The following TAOK2 variants were observed in gnomAD, a reference collection of about 807,000 sequenced individuals.
TAOK2 encodes serine/threonine-protein kinase TAO2.
A neutral mutation model predicts 122.5 loss-of-function variants in TAOK2; 42 were observed. That is an observed-to-expected ratio of 0.34 (90% CI 0.27 to 0.44). TAOK2 has a LOEUF of 0.44. Ranked by LOEUF, TAOK2 falls within the 20% of genes least tolerant of loss-of-function variation. TAOK2 has a pLI of 1.00. For missense variants in TAOK2, 1,264 were observed against 1,644.9 expected, an observed-to-expected ratio of 0.77 and a Z score of 4.01; for synonymous variants, 704 against 677.6, an observed-to-expected ratio of 1.04 and a Z score of -0.61.
In TAOK2 at chr16:29,988,213, G is replaced by A. The variant is rs1005542421; in HGVS notation, c.*233G>A. Reference sequence around the variant, plus strand: ...TCCCCTAAGTTATTGCTGTTCGCCCGCTGTGTGTGCTCATCCTCACCCTCA... The same window carrying A: ...TCCCCTAAGTTATTGCTGTTCGCCCACTGTGTGTGCTCATCCTCACCCTCA... On this transcript the variant is annotated 3_prime_UTR_variant, in exon 16 of 16. Transcript: ENST00000308893. The A allele has an allele frequency of 2.4e-5, 34 of 1,432,260 alleles. No individual in the cohort carries two copies. The highest frequency in any genetic ancestry group is 5.8e-5 in the Admixed American group (2 of 34,468). The allele number at this position is 1,432,260 out of a possible 1,614,324, so 88.7% of individuals were successfully genotyped here.
intron 13 of TAOK2, among the ~76,000 whole-genome samples, chr16:29,984,100 G>A (rs951496424): frequency 5.3e-5 from 8 of 152,228 alleles, no homozygotes; most frequent in African/African-American, 1.7e-4. Flanking sequence ...ACAGCATCAT[G>A]ATAGGTTTGC....
rs768531269 is a variant in TAOK2 at position 29,985,340 on chromosome 16, G to A, written c.1550G>A (p.Arg517Gln). The A allele has an allele frequency of 5.6e-6, 9 of 1,611,214 alleles. No homozygotes were observed. The highest frequency in any genetic ancestry group is 2.2e-5 in the South Asian group (2 of 90,844). ...LALESRLRGE[R>Q]EEHSARLQRE... ...CTGGAGTCACGGCTGAGGGGTGAAC[G>A]GGAGGAGCACAGTGCACGGCTGCAG... is the stretch of plus-strand genomic sequence containing the variant. The change falls in exon 14 of 16, where the codon CGG becomes CAG. Residue 517 changes from arginine (R) to glutamine (Q), a missense_variant. This residue lies in a region of TAOK2 where 64 missense variants were observed against 115.7 expected (regional missense o/e 0.55). Coordinates refer to ENST00000308893, the MANE Select transcript of TAOK2 (RefSeq NM_016151.4). This position sits in a 1 kb window ranked among gnomAD's most constrained non-coding sequence, Gnocchi z 6.9.
downstream of TAOK2, chr16:29,990,731 G>A (rs527874561): frequency 1.1e-4 from 174 of 1,544,028 alleles, no homozygotes; most frequent in Middle Eastern, 3.5e-4. Flanking sequence ...GGCAGGGGAG[G>A]ATAGTGGGGG....
Position 29,986,766 on chromosome 16 carries a change from G to A in TAOK2, c.2494G>A (p.Gly832Arg), listed in dbSNP as rs2150903951. 1 of 1,613,882 alleles carries A rather than the reference G, an allele frequency of 6.2e-7. No individual in the cohort carries two copies. The highest frequency in any genetic ancestry group is 1.1e-5 in the South Asian group (1 of 91,072). ...GAPSPSPQKH[G>R]SLVDEEVWGL... ...CCCTAGTCCCAGTCCACAAAAACATGGGAGCCTGGTTGATGAGGAAGTTTG... is the reference window on the plus strand; with the variant it reads ...CCCTAGTCCCAGTCCACAAAAACATAGGAGCCTGGTTGATGAGGAAGTTTG... Residue 832 changes from glycine to arginine, a missense_variant, in exon 16 of 16, where the codon GGG (glycine) becomes AGG (arginine). Physicochemically the swap from Gly to Arg is moderately radical, Grantham distance 125. Around this residue, in one of 4 missense-constraint regions of TAOK2, gnomAD observed 824 missense variants for 908.7 expected, o/e 0.91. Transcript: ENST00000308893. This position sits in a 1 kb window ranked among gnomAD's most constrained non-coding sequence, Gnocchi z 4.2.
At chr16:29,989,090 C>T (rs1291591950), downstream of TAOK2, 8 of 985,264 alleles carry the variant, frequency 8.1e-6, no homozygotes, top group Non-Finnish European at 9.6e-6. Context: ...CTTCCTGTGT[C>T]TGTCCTTAGT....
At chr16:29,977,979 C>T (rs1363685001) in intron 2 of TAOK2, 75 bp downstream of exon 2, 1 of 1,611,604 alleles carries the variant, frequency 6.2e-7, no homozygotes, top group Non-Finnish European at 8.5e-7. Flanking sequence ...ACAGCCCTTG[C>T]ACACTACTCC....
In TAOK2 at chr16:29,982,919, A is replaced by C; in HGVS notation, c.999+18A>C. On this transcript the variant is annotated intron_variant, in intron 11 of 15. Coordinates refer to ENST00000308893, the MANE Select transcript of TAOK2 (RefSeq NM_016151.4). Reference sequence around the variant, plus strand: ...AGGAAGAGGTGACCCAGCTTGCCCTAACACCCCTCTTTATACCCCATGTGT... The same window carrying C: ...AGGAAGAGGTGACCCAGCTTGCCCTCACACCCCTCTTTATACCCCATGTGT... 1 of 1,612,964 alleles carries C rather than the reference A, an allele frequency of 6.2e-7. No homozygotes were observed. Among genetic ancestry groups the C allele is most frequent in the South Asian group, 1.1e-5 (1 of 90,984 alleles).
In TAOK2 at chr16:29,983,203, C is replaced by CGAGGAAGAG. The variant is rs761217225; in HGVS notation, c.1137_1145dup (p.Glu390_Glu392dup). Reference sequence around the variant, plus strand: ...ACAGCCTAGCAGATGCCTCAGACAACGAGGAAGAGGAGGAGGAGGAGGAGG... The same window carrying CGAGGAAGAG: ...ACAGCCTAGCAGATGCCTCAGACAACGAGGAAGAGGAGGAAGAGGAGGAGGAGGAGGAGG... On this transcript the variant is annotated inframe_insertion, in exon 12 of 16. Transcript: ENST00000308893. The CGAGGAAGAG allele has an allele frequency of 2.4e-5, 38 of 1,613,652 alleles. No homozygotes were observed. Among genetic ancestry groups the CGAGGAAGAG allele is most frequent in the South Asian group, 1.9e-4 (17 of 91,078 alleles).
Position 29,982,775 on chromosome 16 carries a change from G to A in TAOK2, c.873G>A (p.Met291Ile). The change falls in exon 11 of 16, where the codon ATG (methionine) becomes ATA (isoleucine). Residue 291 changes from methionine (M) to isoleucine (I), a missense_variant. This residue lies in a region of TAOK2 where 254 missense variants were observed against 503.8 expected (regional missense o/e 0.50). Coordinates refer to ENST00000308893, the MANE Select transcript of TAOK2 (RefSeq NM_016151.4). ...GGGAGCGGCCACCCACAGTCATCATGGACCTGATCCAGAGGACCAAGGATG... is the reference window on the plus strand; with the variant it reads ...GGGAGCGGCCACCCACAGTCATCATAGACCTGATCCAGAGGACCAAGGATG... ...VLRERPPTVI[M>I]DLIQRTKDAV... The A allele has an allele frequency of 2.5e-6, 4 of 1,614,010 alleles. No individual in the cohort carries two copies. The highest frequency in any genetic ancestry group is 3.4e-6 in the Non-Finnish European group (4 of 1,179,938).
Position 29,987,349 on chromosome 16 carries a change from TG to T in TAOK2, c.3082del (p.Ala1028ProfsTer5). On this transcript the variant is annotated frameshift_variant, in exon 16 of 16. Coordinates refer to ENST00000308893, the MANE Select transcript of TAOK2 (RefSeq NM_016151.4). LOFTEE classifies it high-confidence loss of function. ...CTACTCCTGGCCCAGGGTACCGCACTGGGGGCCGTCCTGGGCCTGAGCTGGC... is the reference window on the plus strand; with the variant it reads ...CTACTCCTGGCCCAGGGTACCGCACTGGGGCCGTCCTGGGCCTGAGCTGGC... ...LFLLLAQGTALGAVLGLSWRR... is the reference protein window; with the variant it reads ...LFLLLAQGTAXGAVLGLSWRR... The T allele has an allele frequency of 1.9e-6, 3 of 1,570,510 alleles. No homozygotes were observed. Among genetic ancestry groups the T allele is most frequent in the South Asian group, 1.2e-5 (1 of 84,854 alleles).
rs1319753558 is a variant in TAOK2, at chr16:29,979,825, C to T, written c.655+317C>T. Among the ~76,000 whole-genome samples the T allele has an allele frequency of 6.6e-6, 1 of 152,164 alleles. No homozygotes were observed. Among genetic ancestry groups the T allele is most frequent in the Non-Finnish European group, 1.5e-5 (1 of 68,012 alleles). On this transcript the variant is annotated intron_variant, in intron 8 of 15. Transcript: ENST00000308893. This position sits in a 1 kb window ranked among gnomAD's most constrained non-coding sequence, Gnocchi z 4.1. Reference sequence around the variant, plus strand: ...GAAAATCCTGCCCTCATGGAACTTACATTTGATTTAGGGAAACCAGGCAGG... The same window carrying T: ...GAAAATCCTGCCCTCATGGAACTTATATTTGATTTAGGGAAACCAGGCAGG...
chr16:29,991,792 A>C, downstream of TAOK2: 4 of 459,416 alleles, frequency 8.7e-6, no homozygotes, highest in Non-Finnish European at 7.3e-6. The surrounding 1 kb of genome is among the most constrained non-coding windows in gnomAD (Gnocchi z 5.6). Flanking sequence ...CCTCCCTACC[A>C]TGGTGCCAGG....
chr16:29,974,501 T>C lies in TAOK2; in HGVS notation c.-183T>C, dbSNP rs1196090325. ...TCACCCCCTCCCCTCCAGGGGAGGC[T>C]TCCCGGGCCCGCCCCTCAGGAAGGG... On this transcript the variant is annotated 5_prime_UTR_variant, in exon 1 of 16. Coordinates refer to ENST00000308893, the MANE Select transcript of TAOK2 (RefSeq NM_016151.4). The C allele has an allele frequency of 6.6e-6, 1 of 152,532 alleles. No individual in the cohort carries two copies. The highest frequency in any genetic ancestry group is 1.5e-5 in the Non-Finnish European group (1 of 68,002). 9.4% of individuals were successfully genotyped at this position (152,532 alleles called of 1,614,324 possible).
rs755195552 is a variant in TAOK2 at position 29,986,707 on chromosome 16, A to G, written c.2435A>G (p.Lys812Arg). 1.7e-5 allele frequency: 28 copies of G among 1,614,008 alleles called. No homozygotes were observed. The highest frequency in any genetic ancestry group is 2.3e-5 in the Non-Finnish European group (27 of 1,179,960). The change falls in exon 16 of 16, where the codon AAG (lysine) becomes AGG (arginine). Residue 812 changes from lysine (K) to arginine (R), a missense_variant. Lys to Arg is a conservative substitution (Grantham distance 26). This residue lies in a region of TAOK2 where 824 missense variants were observed against 908.7 expected (regional missense o/e 0.91). Transcript: ENST00000308893. The surrounding 1 kb of genome is among the most constrained non-coding windows in gnomAD (Gnocchi z 4.2). Reference sequence around the variant, plus strand: ...AAGGAAGGGGCCACTTTGGAGCCCAAGCAGCAGAGGATTCTGGGGGAAGAA... The same window carrying G: ...AAGGAAGGGGCCACTTTGGAGCCCAGGCAGCAGAGGATTCTGGGGGAAGAA... ...LGKEGATLEP[K>R]QQRILGEESG...
chr16:29,977,735 C>T lies in TAOK2; in HGVS notation c.-35-3C>T. ...CTCTAAGGGTCCCATTTCCATTCCT[C>T]AGGCCAGGCCCCACTCTCAGGGCCC... On this transcript the variant is annotated splice_region_variant and splice_polypyrimidine_tract_variant and intron_variant, in intron 1 of 15. Coordinates refer to ENST00000308893, the MANE Select transcript of TAOK2 (RefSeq NM_016151.4). 6.2e-7 allele frequency: 1 copy of T among 1,610,530 alleles called. No individual in the cohort carries two copies. Among genetic ancestry groups the T allele is most frequent in the Non-Finnish European group, 8.5e-7 (1 of 1,178,852 alleles).
downstream of TAOK2, chr16:29,992,239 A>G (rs1260204161): frequency 1.3e-5 from 2 of 151,904 alleles, no homozygotes; most frequent in African/African-American, 2.4e-5. Flanking sequence ...AGCTTTTAAT[A>G]AACTGTTGGT....
At chr16:29,984,658 C>G (rs1230164005) in intron 13 of TAOK2, among the ~76,000 whole-genome samples, 2 of 152,098 alleles carry the variant, frequency 1.3e-5, no homozygotes. Flanking sequence ...TGAGATCAGA[C>G]TTTGGATGAA....
intron 13 of TAOK2, among the ~76,000 whole-genome samples, chr16:29,983,984 G>A (rs945717700): frequency 6.6e-6 from 1 of 152,174 alleles, no homozygotes; most frequent in Non-Finnish European, 1.5e-5. Flanking sequence ...TGTGTGCTGG[G>A]GAAGCCCAGT....
Position 29,977,730 on chromosome 16 carries a change from T to C in TAOK2, c.-35-8T>C, listed in dbSNP as rs1187863471. 10 of 1,606,846 alleles carry C rather than the reference T, an allele frequency of 6.2e-6. No individual in the cohort carries two copies. In the South Asian group the frequency reaches 1.1e-4, roughly 18 times the overall value. ...TTGATCTCTAAGGGTCCCATTTCCA[T>C]TCCTCAGGCCAGGCCCCACTCTCAG... On this transcript the variant is annotated splice_region_variant and splice_polypyrimidine_tract_variant and intron_variant, in intron 1 of 15. Transcript: ENST00000308893.
Sources: allele counts gnomAD v4.1 joint callset (sites outside exome capture counted in the v4.1 genomes callset), GRCh38; gene constraint gnomAD v4.1.1; regional missense constraint gnomAD v4.1.1; non-coding constraint Gnocchi (gnomAD v3.1); transcripts MANE v1.5; gene names NCBI Gene and HGNC (gene_info 2026-07-23, HGNC 2026-07-21).